Variants in RAPGEF4 observed in about 807,000 individuals in gnomAD.
The protein encoded by RAPGEF4 is RAP guanine-nucleotide-exchange factor (GEF) 4.
Under a neutral mutation model 147.9 loss-of-function variants are expected in RAPGEF4, and 66 were observed. The ratio of observed to expected loss-of-function variants is 0.45; its 90% CI spans 0.37 to 0.55. RAPGEF4 has a LOEUF of 0.55. Ranked by LOEUF, RAPGEF4 falls within the 20% of genes least tolerant of loss-of-function variation. The pLI, the probability that RAPGEF4 is intolerant of heterozygous loss-of-function variation, is 0.00. For synonymous variants in RAPGEF4, 419 were observed against 442.7 expected, an observed-to-expected ratio of 0.95 and a Z score of 0.67; for missense variants, 1,071 against 1,257.3, an observed-to-expected ratio of 0.85 and a Z score of 2.24.
At chr2:172,783,142 C>G (rs987921134) in intron 1 of RAPGEF4, among the ~76,000 whole-genome samples, 8 of 152,230 alleles carry the variant, frequency 5.3e-5, no homozygotes, top group African/African-American at 1.9e-4. Context: ...GTCTGGCCCT[C>G]TGCCTAATGA....
intron 28 of RAPGEF4, 30 bp from the exon 29 acceptor site, chr2:173,036,598 G>C: frequency 6.5e-7 from 1 of 1,531,148 alleles, no homozygotes; most frequent in Non-Finnish European, 9.0e-7. Context: ...TTCCATTAGT[G>C]ATTAGAATGT....
intron 23 of RAPGEF4, among the ~76,000 whole-genome samples, chr2:173,022,678 A>G (rs1333001324): frequency 6.6e-6 from 1 of 152,206 alleles, no homozygotes; most frequent in East Asian, 1.9e-4. Flanking sequence ...TCCTTACCGC[A>G]GTTACGCTAA....
intron 4 of RAPGEF4, among the ~76,000 whole-genome samples, chr2:172,815,176 T>C (rs1445209683): frequency 6.6e-6 from 1 of 152,260 alleles, no homozygotes; most frequent in Non-Finnish European, 1.5e-5. Context: ...TAGCTCAGTA[T>C]GTCCAAGTGT....
At chr2:172,809,929 A>G (rs1168368231) in intron 3 of RAPGEF4, among the ~76,000 whole-genome samples, 1 of 152,226 alleles carries the variant, frequency 6.6e-6, no homozygotes, top group African/African-American at 2.4e-5. Context: ...AGTGGATCTC[A>G]ATATTGGAAT....
Position 172,926,939 on chromosome 2 carries a change from A to G in RAPGEF4, c.537+4639A>G, listed in dbSNP as rs544972555. Among the ~76,000 whole-genome samples the G allele has an allele frequency of 3.3e-5, 5 of 152,306 alleles. No individual in the cohort carries two copies. The East Asian group carries it at 9.6e-4, about 29-fold the overall frequency. The stretch of plus-strand genomic sequence containing the variant: ...TAATAAGCTTTTTGCTAAATACTGA[A>G]GAATGCTTTCTCGCTATAAATCACC... On this transcript the variant is annotated intron_variant, in intron 6 of 30. Transcript: ENST00000397081.
At chr2:173,019,484 A>G (rs1695836770) in intron 22 of RAPGEF4, among the ~76,000 whole-genome samples, 1 of 152,216 alleles carries the variant, frequency 6.6e-6, no homozygotes, top group Non-Finnish European at 1.5e-5. Context: ...CATGCTGGCA[A>G]GAGTTTTAGG....
intron 1 of RAPGEF4, among the ~76,000 whole-genome samples, chr2:172,762,716 T>A (rs1400030004): frequency 1.3e-5 from 2 of 152,218 alleles, no homozygotes; most frequent in African/African-American, 4.8e-5. Context: ...TTGGACAATG[T>A]TGCTGCCTAA....
intron 4 of RAPGEF4, among the ~76,000 whole-genome samples, chr2:172,903,251 C>A (rs1312815889): frequency 1.3e-5 from 2 of 151,458 alleles, no homozygotes; most frequent in Admixed American, 1.3e-4. Flanking sequence ...CACCTGTAGT[C>A]CCAGCTACTC....
chr2:172,994,490 T>G (rs1326829983), intron 15 of RAPGEF4, among the ~76,000 whole-genome samples: 1 of 152,208 alleles, frequency 6.6e-6, no homozygotes, highest in Admixed American at 6.5e-5. Flanking sequence ...CTGAGCGGTC[T>G]CTCCATCTGC....
intron 10 of RAPGEF4, among the ~76,000 whole-genome samples, chr2:172,970,439 C>T (rs1373982190): frequency 6.6e-6 from 1 of 152,104 alleles, no homozygotes; most frequent in Non-Finnish European, 1.5e-5. Flanking sequence ...AGGGCAGGAC[C>T]CCCAACTTTT....
chr2:173,017,529 C>T (rs1206615594), intron 21 of RAPGEF4, 25 bp downstream of exon 21: 1 of 1,580,096 alleles, frequency 6.3e-7, no homozygotes, highest in East Asian at 2.2e-5. Flanking sequence ...CCAACTAACT[C>T]GTAGTTGTAT....
At chr2:172,822,893 C>T (rs1239717178) in intron 4 of RAPGEF4, among the ~76,000 whole-genome samples, 1 of 152,174 alleles carries the variant, frequency 6.6e-6, no homozygotes, top group Non-Finnish European at 1.5e-5. Context: ...ATTGATGCCA[C>T]GTTAAACATT....
chr2:172,864,096 A>T (rs1694344992), intron 4 of RAPGEF4, among the ~76,000 whole-genome samples: 1 of 152,186 alleles, frequency 6.6e-6, no homozygotes, highest in African/African-American at 2.4e-5. Flanking sequence ...GACTTCTTTC[A>T]TTATGAAAAG....
intron 6 of RAPGEF4, among the ~76,000 whole-genome samples, chr2:172,930,614 T>C (rs1326128801): frequency 6.6e-6 from 1 of 152,228 alleles, no homozygotes; most frequent in Non-Finnish European, 1.5e-5. Flanking sequence ...CATTTTAAAT[T>C]TCAAACTAGC....
At chr2:172,970,128 TC>T (rs1690299030) in intron 10 of RAPGEF4, among the ~76,000 whole-genome samples, 2 of 151,692 alleles carry the variant, frequency 1.3e-5, no homozygotes, top group South Asian at 4.2e-4. Context: ...AAATAAGGAA[TC>T]TAATTTTGGG....
chr2:172,908,574 G>A (rs1389920835), intron 4 of RAPGEF4, among the ~76,000 whole-genome samples: 1 of 152,194 alleles, frequency 6.6e-6, no homozygotes. Context: ...GTAGATCTTT[G>A]AGTGACATCT....
intron 25 of RAPGEF4, among the ~76,000 whole-genome samples, chr2:173,029,909 A>G (rs1697025953): frequency 6.6e-6 from 1 of 152,222 alleles, no homozygotes; most frequent in Non-Finnish European, 1.5e-5. Context: ...CCCCTAAGGT[A>G]GGTGTCTTTA....
chr2:173,041,983 C>T (rs1684823876), intron 29 of RAPGEF4, among the ~76,000 whole-genome samples: 1 of 152,094 alleles, frequency 6.6e-6, no homozygotes, highest in Non-Finnish European at 1.5e-5. Flanking sequence ...GTGGTGCTAA[C>T]TGTGCCTGAC....
intron 10 of RAPGEF4, among the ~76,000 whole-genome samples, chr2:172,975,794 A>G (rs1448108564): frequency 6.6e-6 from 1 of 152,126 alleles, no homozygotes; most frequent in Non-Finnish European, 1.5e-5. Context: ...ATACTATCTG[A>G]CTCCATCCAA....
Sources: allele counts gnomAD v4.1 joint callset (sites outside exome capture counted in the v4.1 genomes callset), GRCh38; gene constraint gnomAD v4.1.1; transcripts MANE v1.5; gene names NCBI Gene and HGNC (gene_info 2026-07-23, HGNC 2026-07-21).